Variants in ATP6V1B1 observed in about 807,000 individuals in gnomAD.
The protein encoded by ATP6V1B1 is ATPase H+ transporting V1 subunit B1.
In ATP6V1B1, 41 loss-of-function variants were observed where a neutral mutation model predicts 62.1. The observed-to-expected ratio is 0.66, with a 90% CI of 0.51 to 0.86. ATP6V1B1 has a LOEUF of 0.86. ATP6V1B1 is among the 40% of genes least tolerant of loss of function. The probability of loss-of-function intolerance (pLI) is 0.00; values close to 1 mark genes in which losing one functional copy is unlikely to be tolerated. For synonymous variants in ATP6V1B1, 253 were observed against 273.4 expected, an observed-to-expected ratio of 0.93 and a Z score of 0.74; for missense variants, 651 against 697.5, an observed-to-expected ratio of 0.93 and a Z score of 0.75.
chr2:70,961,477 C>T (rs1680586434), intron 7 of ATP6V1B1, 119 bp from the exon 8 acceptor site: 1 of 1,067,228 alleles, frequency 9.4e-7, no homozygotes, highest in Non-Finnish European at 1.4e-6. Flanking sequence ...TTGGTGTCTT[C>T]ACCCCCAGCG....
chr2:70,938,693 C>T, intron 1 of ATP6V1B1: 1 of 985,430 alleles, frequency 1.0e-6, no homozygotes, highest in Non-Finnish European at 1.2e-6. Flanking sequence ...TCCCCTGTGC[C>T]TCCCGTGGAG....
At chr2:70,964,114 A>ATGTTTTTTTTTTTTTTT (rs1680655648) in intron 11 of ATP6V1B1, 1 of 121,306 alleles carries the variant, frequency 8.2e-6, no homozygotes, top group African/African-American at 5.9e-5. Context: ...CTTGGCAGGT[A>ATGTTTTTTTTTTTTTTT]TTTTTTTTTT....
rs1553419566 is a variant in ATP6V1B1 at position 70,959,071 on chromosome 2, G to A, written c.421G>A (p.Ala141Thr). 7 of 1,614,174 alleles carry A rather than the reference G, an allele frequency of 4.3e-6. No individual in the cohort carries two copies. The highest frequency in any genetic ancestry group is 3.3e-5 in the Admixed American group (2 of 60,022). Reference sequence around the variant, plus strand: ...CATTGACAAGGGGCCAGTGGTCATGGCGGAGGACTTTCTGGATATCAATGG... The same window carrying A: ...CATTGACAAGGGGCCAGTGGTCATGACGGAGGACTTTCTGGATATCAATGG... ...KPIDKGPVVM[A>T]EDFLDINGQP... The change falls in exon 5 of 14, where the codon GCG becomes ACG. Residue 141 changes from alanine to threonine, a missense_variant. Physicochemically the swap from Ala to Thr is moderately conservative, Grantham distance 58. Coordinates refer to ENST00000234396, the MANE Select transcript of ATP6V1B1 (RefSeq NM_001692.4). This position sits in a 1 kb window ranked among gnomAD's most constrained non-coding sequence, Gnocchi z 4.2.
In ATP6V1B1 at chr2:70,962,784, C is replaced by A. The variant is rs782497280; in HGVS notation, c.793C>A (p.Arg265=). 2.5e-6 allele frequency: 4 copies of A among 1,613,778 alleles called. No individual in the cohort carries two copies. The highest frequency in any genetic ancestry group is 3.3e-5 in the Admixed American group (2 of 60,008). The part of the protein sequence containing the change: ...LNLANDPTIE[R]IITPRLALTT... ...ACCTGGCTACACCTCCAGGATCGAGCGGATCATCACCCCGCGCCTGGCGCT... is the reference window on the plus strand; with the variant it reads ...ACCTGGCTACACCTCCAGGATCGAGAGGATCATCACCCCGCGCCTGGCGCT... Residue 265 remains arginine, a synonymous_variant, in exon 9 of 14, where the codon CGG becomes AGG. Coordinates refer to ENST00000234396, the MANE Select transcript of ATP6V1B1 (RefSeq NM_001692.4).
intron 2 of ATP6V1B1, among the ~76,000 whole-genome samples, chr2:70,945,878 C>T (rs1170795874): frequency 1.3e-5 from 2 of 151,692 alleles, no homozygotes; most frequent in African/African-American, 4.8e-5. Context: ...TCTGACTCAT[C>T]CCCAGGGTTG....
chr2:70,943,820 G>T (rs1680075162), intron 2 of ATP6V1B1, 107 bp downstream of exon 2: 1 of 1,465,316 alleles, frequency 6.8e-7, no homozygotes, highest in Non-Finnish European at 9.4e-7. Flanking sequence ...ATGGCCCCCA[G>T]GGCCTGCTCT....
chr2:70,954,334 T>C (rs932012367), intron 2 of ATP6V1B1, among the ~76,000 whole-genome samples: 1 of 152,256 alleles, frequency 6.6e-6, no homozygotes, highest in Admixed American at 6.5e-5. Flanking sequence ...TAAATGCTTC[T>C]ATAGCTAGAA....
At chr2:70,944,175 G>A in intron 2 of ATP6V1B1, 1 of 1,287,498 alleles carries the variant, frequency 7.8e-7, no homozygotes, top group Non-Finnish European at 1.0e-6. Flanking sequence ...ATTTTCTAGG[G>A]ATCTTGATGG....
chr2:70,962,749 C>A (rs1553420304), intron 8 of ATP6V1B1, 28 bp from the exon 9 acceptor site: 3 of 1,612,298 alleles, frequency 1.9e-6, no homozygotes, highest in Non-Finnish European at 2.5e-6. Flanking sequence ...GGCCTCCAGG[C>A]TCTCTAAACA....
rs1680649730 is a variant in ATP6V1B1 at position 70,963,916 on chromosome 2, A to G, written c.1143+262A>G. Among the ~76,000 whole-genome samples, 1 of 152,170 alleles carries G rather than the reference A, an allele frequency of 6.6e-6. No homozygotes were observed. The highest frequency in any genetic ancestry group is 1.5e-5 in the Non-Finnish European group (1 of 68,026). On this transcript the variant is annotated intron_variant, in intron 11 of 13. Coordinates refer to ENST00000234396, the MANE Select transcript of ATP6V1B1 (RefSeq NM_001692.4). This position sits in a 1 kb window ranked among gnomAD's most constrained non-coding sequence, Gnocchi z 4.3. ...TCATCCATAAAATGGGAATAATCAA[A>G]TATATCACCCAGACGCATTGTGGAG...
At chr2:70,952,734 T>C (rs1680348946) in intron 2 of ATP6V1B1, among the ~76,000 whole-genome samples, 1 of 152,206 alleles carries the variant, frequency 6.6e-6, no homozygotes, top group South Asian at 2.1e-4. Context: ...TAATAAGAAA[T>C]ATTGATCTAT....
intron 2 of ATP6V1B1, among the ~76,000 whole-genome samples, chr2:70,954,736 G>C (rs1408599515): frequency 6.6e-6 from 1 of 152,132 alleles, no homozygotes; most frequent in Non-Finnish European, 1.5e-5. Context: ...TCTCACCTCA[G>C]CCTCCCAAAG....
intron 1 of ATP6V1B1, among the ~76,000 whole-genome samples, chr2:70,937,759 C>G (rs1477028291): frequency 2.0e-5 from 3 of 152,014 alleles, no homozygotes; most frequent in Non-Finnish European, 4.4e-5. Context: ...GCCCCCACCT[C>G]CTGATACCCA....
rs1405534436 is a variant in ATP6V1B1, at chr2:70,936,021, C to CG, written c.68dup (p.Glu24ArgfsTer59). 2 of 1,613,992 alleles carry CG rather than the reference C, an allele frequency of 1.2e-6. No individual in the cohort carries two copies. Among genetic ancestry groups the CG allele is most frequent in the African/African-American group, 2.7e-5 (2 of 75,026 alleles). ...CAGTAGCTGCAACCTAGGTGCAGCC[C>CG]GAGAACACATGCAGGCGGTCACCCG... On this transcript the variant is annotated frameshift_variant, in exon 1 of 14. Transcript: ENST00000234396. LOFTEE classifies it high-confidence loss of function.
intron 1 of ATP6V1B1, chr2:70,942,097 G>C (rs1553416501): frequency 1.9e-6 from 2 of 1,052,716 alleles, no homozygotes; most frequent in African/African-American, 3.3e-5. Context: ...AGAGAGAGAG[G>C]CAAGGAGGCT....
chr2:70,948,100 C>A (rs1553417681), intron 2 of ATP6V1B1: 2 of 152,376 alleles, frequency 1.3e-5, no homozygotes, highest in African/African-American at 4.8e-5. Context: ...TTCCCCAGAT[C>A]TGACCACAAT....
intron 2 of ATP6V1B1, 164 bp from the exon 3 acceptor site, chr2:70,957,882 C>T: frequency 1.4e-6 from 1 of 714,544 alleles, no homozygotes; most frequent in Non-Finnish European, 2.4e-6. Context: ...GCCTCCCAAA[C>T]AGAATTCAAA....
At chr2:70,943,400 G>A in intron 1 of ATP6V1B1, 2 of 619,596 alleles carry the variant, frequency 3.2e-6, no homozygotes, top group East Asian at 2.8e-5. Flanking sequence ...TGTGGTGGGG[G>A]CGGACTCTGA....
Position 70,963,086 on chromosome 2 carries a change from A to T in ATP6V1B1, c.910-76A>T. The stretch of plus-strand genomic sequence containing the variant: ...CCCCCACTCCATTTCTCACAGGGTC[A>T]CTGAACCTCCCACCCACCCTTCCTA... On this transcript the variant is annotated intron_variant, in intron 9 of 13. Coordinates refer to ENST00000234396, the MANE Select transcript of ATP6V1B1 (RefSeq NM_001692.4). This position sits in a 1 kb window ranked among gnomAD's most constrained non-coding sequence, Gnocchi z 4.3. 1 of 1,608,466 alleles carries T rather than the reference A, an allele frequency of 6.2e-7. No homozygotes were observed. The highest frequency in any genetic ancestry group is 1.1e-5 in the South Asian group (1 of 90,700).
Sources: gnomAD v4.1 joint callset for allele counts (sites outside exome capture counted in the v4.1 genomes callset) on GRCh38, gnomAD v4.1.1 for gene constraint, Gnocchi (gnomAD v3.1) non-coding constraint, MANE v1.5 for transcripts, NCBI Gene and HGNC (gene_info 2026-07-23, HGNC 2026-07-21) for gene names.